Variants in DLG2 observed in about 807,000 individuals in gnomAD.
DLG2 encodes disks large homolog 2.
A neutral mutation model predicts 132.5 loss-of-function variants in DLG2; 45 were observed. The observed-to-expected ratio is 0.34, with a 90% CI of 0.27 to 0.44. DLG2 has a LOEUF of 0.44. Ranked by LOEUF, DLG2 falls within the 20% of genes least tolerant of loss-of-function variation. The probability of loss-of-function intolerance (pLI) is 1.00; values close to 1 mark genes in which losing one functional copy is unlikely to be tolerated. For missense variants in DLG2, 1,045 were observed against 1,196.9 expected (o/e 0.87, Z 1.87); for synonymous variants, 424 against 419.6 (o/e 1.01, Z -0.13).
chr11:85,484,139 A>G (rs2093366813), intron 3 of DLG2, among the ~76,000 whole-genome samples: 1 of 151,312 alleles, frequency 6.6e-6, no homozygotes, highest in Non-Finnish European at 1.5e-5. Flanking sequence ...TTAAGAGGTA[A>G]ATGGGTCAGG....
intron 6 of DLG2, among the ~76,000 whole-genome samples, chr11:84,933,025 T>C (rs1480078819): frequency 6.6e-6 from 1 of 152,182 alleles, no homozygotes; most frequent in Non-Finnish European, 1.5e-5. Context: ...CCAGCATCTA[T>C]TGTTTCTTGA....
rs1019355224 is a variant in DLG2 at position 85,518,536 on chromosome 11, T to A, written c.40+80121A>T. Reference sequence around the variant, plus strand: ...ATTCAAGAGGTGACTTGGGTGCTATTAAAGGCATTCAATTTTATAAGGGAA... The same window carrying A: ...ATTCAAGAGGTGACTTGGGTGCTATAAAAGGCATTCAATTTTATAAGGGAA... On this transcript the variant is annotated intron_variant, in intron 3 of 27. Transcript: ENST00000376104. 1.6e-4 allele frequency among the ~76,000 whole-genome samples: 24 copies of A among 152,168 alleles called. 1 individual carries two copies. Among genetic ancestry groups the A allele is most frequent in the African/African-American group, 5.8e-4 (24 of 41,426 alleles).
chr11:84,761,307 A>G (rs748994895), intron 6 of DLG2, among the ~76,000 whole-genome samples: 13 of 152,314 alleles, frequency 8.5e-5, no homozygotes, highest in South Asian at 6.2e-4. Context: ...AATGAAGCCA[A>G]TTTGCTAAAT....
chr11:85,135,912 A>G (rs1219020045), intron 5 of DLG2, among the ~76,000 whole-genome samples: 1 of 152,222 alleles, frequency 6.6e-6, no homozygotes, highest in Non-Finnish European at 1.5e-5. Flanking sequence ...CGTCTACAAA[A>G]TAGAGGCATT....
At chr11:85,550,523 G>A (rs557046683) in intron 3 of DLG2, among the ~76,000 whole-genome samples, 2 of 149,454 alleles carry the variant, frequency 1.3e-5, no homozygotes, top group Non-Finnish European at 2.9e-5. Flanking sequence ...CACTGGTGCC[G>A]CTGGTGCTGA....
chr11:85,321,053 T>C (rs899554888), intron 3 of DLG2, among the ~76,000 whole-genome samples: 14 of 151,872 alleles, frequency 9.2e-5, no homozygotes, highest in Non-Finnish European at 1.6e-4. Context: ...CCAGCTACTG[T>C]TTAGGGAATA....
chr11:84,750,441 G>A (rs143725893), intron 6 of DLG2, among the ~76,000 whole-genome samples: 120 of 152,174 alleles, frequency 7.9e-4, no homozygotes, highest in African/African-American at 2.9e-3. Flanking sequence ...TTGAGGTTTG[G>A]CATAGGCCCG....
chr11:84,789,936 A>G (rs2073550101), intron 6 of DLG2, among the ~76,000 whole-genome samples: 2 of 152,142 alleles, frequency 1.3e-5, no homozygotes, highest in Admixed American at 6.5e-5. Flanking sequence ...TTATAGTTGA[A>G]CAGTACTCCA....
chr11:83,546,908 A>C (rs1357464005), intron 19 of DLG2, among the ~76,000 whole-genome samples: 1 of 152,162 alleles, frequency 6.6e-6, no homozygotes, highest in Non-Finnish European at 1.5e-5. Flanking sequence ...GATTTGGATA[A>C]TTTAAACAAC....
chr11:85,177,371 GGACATGGGTAGAGTT>G, intron 4 of DLG2, among the ~76,000 whole-genome samples: 1 of 151,578 alleles, frequency 6.6e-6, no homozygotes, highest in Non-Finnish European at 1.5e-5. Flanking sequence ...TCCTTTGCAG[GGACATGGGTAGAGTT>G]GGAATCTGTT....
At chr11:84,754,488 T>C (rs996953732) in intron 6 of DLG2, among the ~76,000 whole-genome samples, 1 of 152,156 alleles carries the variant, frequency 6.6e-6, no homozygotes, top group African/African-American at 2.4e-5. Flanking sequence ...ATTGGGGGAA[T>C]CTGGAACTTA....
intron 6 of DLG2, among the ~76,000 whole-genome samples, chr11:84,589,056 G>T (rs1272449367): frequency 6.6e-6 from 1 of 152,128 alleles, no homozygotes; most frequent in Admixed American, 6.6e-5. Context: ...AAGTGGTGGG[G>T]TCTGGTAACA....
At chr11:84,904,640 G>A (rs2091296120) in intron 6 of DLG2, among the ~76,000 whole-genome samples, 1 of 152,096 alleles carries the variant, frequency 6.6e-6, no homozygotes, top group African/African-American at 2.4e-5. Context: ...CCGTCATTTA[G>A]TTTTTCCTGA....
intron 18 of DLG2, among the ~76,000 whole-genome samples, chr11:83,729,645 A>G (rs1202357694): frequency 6.6e-6 from 1 of 152,218 alleles, no homozygotes; most frequent in African/African-American, 2.4e-5. Flanking sequence ...ATACAGGATC[A>G]TAGTTCGCAG....
chr11:83,791,518 AT>A, intron 17 of DLG2: 1 of 617,238 alleles, frequency 1.6e-6, no homozygotes, highest in Non-Finnish European at 3.0e-6. Context: ...AAATCAGTTT[AT>A]TTTTTACTTT....
rs576480097 is a variant in DLG2, at chr11:83,666,217, ATGTTAT to A, written c.1826-32898_1826-32893del. On this transcript the variant is annotated intron_variant, in intron 18 of 27. Coordinates refer to ENST00000376104, the MANE Select transcript of DLG2 (RefSeq NM_001142699.3). ...TCTTTAAAGGCTGTCTTGTATTTGAATGTTATTGTATTTGTTGTTCTTATCCCTTGA... is the reference window on the plus strand; with the variant it reads ...TCTTTAAAGGCTGTCTTGTATTTGAATGTATTTGTTGTTCTTATCCCTTGA... Among the ~76,000 whole-genome samples the A allele has an allele frequency of 3.3e-5, 5 of 152,234 alleles. No individual in the cohort carries two copies. In the South Asian group the frequency reaches 8.3e-4, roughly 25 times the overall value.
At chr11:83,906,217 A>G (rs974925755) in intron 15 of DLG2, among the ~76,000 whole-genome samples, 1 of 148,194 alleles carries the variant, frequency 6.7e-6, no homozygotes, top group African/African-American at 2.5e-5. Context: ...TAACTGGAAG[A>G]TTGCTATAGT....
intron 6 of DLG2, among the ~76,000 whole-genome samples, chr11:84,615,164 T>C (rs1232898133): frequency 1.3e-5 from 2 of 152,152 alleles, no homozygotes; most frequent in Non-Finnish European, 2.9e-5. Context: ...TGTGTCATAA[T>C]TGTAATTCTG....
chr11:84,830,680 G>A (rs1010763190), intron 6 of DLG2, among the ~76,000 whole-genome samples: 3 of 151,532 alleles, frequency 2.0e-5, no homozygotes, highest in Non-Finnish European at 3.0e-5. Context: ...TGCTCTGACT[G>A]AAGCCTGCAT....
Sources: gnomAD v4.1 joint callset for allele counts (sites outside exome capture counted in the v4.1 genomes callset) on GRCh38, gnomAD v4.1.1 for gene constraint, MANE v1.5 for transcripts, NCBI Gene and HGNC (gene_info 2026-07-23, HGNC 2026-07-21) for gene names.